YAE1: variants seen among roughly 807,000 people sequenced by gnomAD.
The protein encoded by YAE1 is protein YAE1 homolog.
Under a neutral mutation model 23.0 loss-of-function variants are expected in YAE1, and 22 were observed. That is an observed-to-expected ratio of 0.96 (90% CI 0.68 to 1.37). The LOEUF (loss-of-function observed/expected upper bound fraction) is 1.37. YAE1 is among the 40% of genes most tolerant of loss of function. The pLI is 0.00. For synonymous variants in YAE1, 101 were observed against 97.0 expected, an observed-to-expected ratio of 1.04 and a Z score of -0.24; for missense variants, 260 against 262.1, an observed-to-expected ratio of 0.99 and a Z score of 0.06.
At chr7:39,574,685 A>G (rs959913021), downstream of YAE1, among the ~76,000 whole-genome samples, 1 of 140,926 alleles carries the variant, frequency 7.1e-6, no homozygotes, top group Non-Finnish European at 1.5e-5. Flanking sequence ...GTGAGCCAAG[A>G]TTGTGCCACT....
At chr7:39,600,507 C>T (rs1013699513) in intron 2 of YAE1, among the ~76,000 whole-genome samples, 1 of 152,164 alleles carries the variant, frequency 6.6e-6, no homozygotes, top group Non-Finnish European at 1.5e-5. Flanking sequence ...AAGCGATTCT[C>T]CTGCCTCAGC....
At chr7:39,570,170 G>C (rs1583667692) in intron 1 of YAE1, 3 of 717,216 alleles carry the variant, frequency 4.2e-6, no homozygotes, top group Non-Finnish European at 7.1e-6. Context: ...GACTGCCAGC[G>C]GAACTGCAAG....
chr7:39,577,673 C>G (rs1337287293), downstream of YAE1, among the ~76,000 whole-genome samples: 1 of 152,236 alleles, frequency 6.6e-6, no homozygotes, highest in African/African-American at 2.4e-5. Flanking sequence ...CTGTCATGCC[C>G]TAGCCTCACC....
exon 3 of YAE1, chr7:39,609,761 G>A (rs1291204027): frequency 2.0e-6 from 3 of 1,534,784 alleles, no homozygotes; most frequent in African/African-American, 2.7e-5. Context: ...AGCTCGAGGC[G>A]ACGCTGCTGA....
chr7:39,594,167 A>G (rs77522404), intron 2 of YAE1, among the ~76,000 whole-genome samples: 8,076 of 152,302 alleles, frequency 0.053, 289 homozygotes, highest in East Asian at 0.12. Flanking sequence ...TTAGCCATGT[A>G]TGGGCTTCTC....
chr7:39,579,529 T>C (rs761292622), intron 2 of YAE1, among the ~76,000 whole-genome samples: 2 of 151,880 alleles, frequency 1.3e-5, no homozygotes, highest in Non-Finnish European at 2.9e-5. Context: ...ATTAGTCTTG[T>C]GTGATGGCAG....
exon 3 of YAE1, chr7:39,610,300 CG>C (rs1282720221): frequency 1.2e-5 from 6 of 491,174 alleles, no homozygotes; most frequent in Non-Finnish European, 1.1e-5. Flanking sequence ...TTGCAGATCT[CG>C]GTACCAGGTT....
downstream of YAE1, among the ~76,000 whole-genome samples, chr7:39,575,583 T>G (rs73687297): frequency 9.1e-6 from 1 of 109,608 alleles, no homozygotes. Context: ...AGAGAGTGAG[T>G]GTGTGTGTGT....
chr7:39,610,213 TTG>T, exon 3 of YAE1: 1 of 608,572 alleles, frequency 1.6e-6, no homozygotes. Flanking sequence ...TACGAGTCGT[TTG>T]TGAAATTCAC....
At chr7:39,571,490 C>A (rs541217271) in intron 2 of YAE1, among the ~76,000 whole-genome samples, 2 of 151,466 alleles carry the variant, frequency 1.3e-5, no homozygotes, top group Non-Finnish European at 2.9e-5. Context: ...CAAAACAAAC[C>A]GAAAAATTTA....
intron 2 of YAE1, among the ~76,000 whole-genome samples, chr7:39,600,219 A>G (rs890892862): frequency 6.6e-6 from 1 of 152,132 alleles, no homozygotes; most frequent in African/African-American, 2.4e-5. Context: ...TATAAGTGTT[A>G]TGGTTGAATT....
chr7:39,569,730 T>C, intron 1 of YAE1: 1 of 736,288 alleles, frequency 1.4e-6, no homozygotes, highest in Non-Finnish European at 2.6e-6. Flanking sequence ...CGTAGATAGC[T>C]GAAAGAGTGC....
At chr7:39,611,350 C>T (rs78113515), downstream of YAE1, among the ~76,000 whole-genome samples, 3,959 of 152,184 alleles carry the variant, frequency 0.026, 96 homozygotes, top group East Asian at 0.11. Context: ...TGGTGCTTAC[C>T]TCATTCACAC....
intron 2 of YAE1, among the ~76,000 whole-genome samples, chr7:39,591,974 A>G (rs1790906673): frequency 6.6e-6 from 1 of 152,182 alleles, no homozygotes; most frequent in Non-Finnish European, 1.5e-5. Flanking sequence ...TCACTTGGCA[A>G]TATGCATTTA....
chr7:39,599,216 G>A (rs1472350418), intron 2 of YAE1, among the ~76,000 whole-genome samples: 2 of 151,992 alleles, frequency 1.3e-5, no homozygotes, highest in Non-Finnish European at 2.9e-5. Flanking sequence ...CTCCAGCCTG[G>A]ATGACAGAGA....
At chr7:39,589,917 C>T (rs1009868701) in intron 2 of YAE1, among the ~76,000 whole-genome samples, 2 of 152,162 alleles carry the variant, frequency 1.3e-5, no homozygotes, top group African/African-American at 2.4e-5. Flanking sequence ...CCACAAGAGA[C>T]GGAGACTATG....
chr7:39,569,633 C>T, intron 1 of YAE1: 1 of 638,494 alleles, frequency 1.6e-6, no homozygotes, highest in Non-Finnish European at 3.0e-6. Flanking sequence ...GTCCAGAATG[C>T]AGAGTTGCTA....
At chr7:39,584,055 A>G (rs1245369598) in intron 2 of YAE1, among the ~76,000 whole-genome samples, 1 of 152,206 alleles carries the variant, frequency 6.6e-6, no homozygotes, top group East Asian at 1.9e-4. Context: ...AACCGCTATC[A>G]TGAAACTCTG....
chr7:39,566,812 T>G (rs1331364554), intron 1 of YAE1: 2 of 358,892 alleles, frequency 5.6e-6, no homozygotes, highest in Non-Finnish European at 1.1e-5. Flanking sequence ...TTGAACAGTT[T>G]GCAGTTTGTT....
Sources: allele counts gnomAD v4.1 joint callset (sites outside exome capture counted in the v4.1 genomes callset), GRCh38; gene constraint gnomAD v4.1.1; transcripts MANE v1.5; gene names NCBI Gene and HGNC (gene_info 2026-07-23, HGNC 2026-07-21).